Variants in MSRA observed in about 807,000 individuals in gnomAD.
The protein encoded by MSRA is mitochondrial peptide methionine sulfoxide reductase.
A neutral mutation model predicts 31.3 loss-of-function variants in MSRA; 54 were observed. That is an observed-to-expected ratio of 1.73 (90% CI 1.39 to 2.17). MSRA has a LOEUF of 2.17. Ranked by LOEUF, MSRA falls within the 30% of genes most tolerant of loss-of-function variation. The pLI is 0.00. For missense variants in MSRA, 507 were observed against 300.9 expected, an observed-to-expected ratio of 1.69 and a Z score of -5.07; for synonymous variants, 169 against 116.5, an observed-to-expected ratio of 1.45 and a Z score of -2.90.
chr8:10,070,610 C>G (rs1797684767), intron 1 of MSRA, among the ~76,000 whole-genome samples: 1 of 152,158 alleles, frequency 6.6e-6, no homozygotes, highest in Admixed American at 6.5e-5. Context: ...GTTCTGCCAC[C>G]AGAGATTCCT....
chr8:10,193,679 C>T (rs1450512631), intron 1 of MSRA, among the ~76,000 whole-genome samples: 2 of 152,158 alleles, frequency 1.3e-5, no homozygotes, highest in Admixed American at 6.5e-5. Context: ...CACCACCAAG[C>T]GCCTGTCTGT....
chr8:10,108,949 A>G (rs1057197176), intron 1 of MSRA, among the ~76,000 whole-genome samples: 2 of 152,208 alleles, frequency 1.3e-5, no homozygotes, highest in African/African-American at 4.8e-5. Flanking sequence ...GTCTATTTAT[A>G]ACTGGCCTCT....
At chr8:10,388,763 G>A (rs922314571) in intron 5 of MSRA, among the ~76,000 whole-genome samples, 12 of 151,896 alleles carry the variant, frequency 7.9e-5, no homozygotes, top group African/African-American at 2.9e-4. Flanking sequence ...AGATAATTCC[G>A]TGTTGGGGGA....
At chr8:10,393,394 A>G (rs1289912005) in intron 5 of MSRA, among the ~76,000 whole-genome samples, 1 of 152,106 alleles carries the variant, frequency 6.6e-6, no homozygotes, top group Non-Finnish European at 1.5e-5. Context: ...GCTGAGAGGG[A>G]TTTTTTTACT....
rs549346544 is a variant in MSRA, at chr8:10,305,409, C to CTTTTTTTTTTTTTT, written c.436+3779_436+3792dup. Among the ~76,000 whole-genome samples the CTTTTTTTTTTTTTT allele has an allele frequency of 1.2e-3, 152 of 122,934 alleles. 1 individual carries two copies. The highest frequency in any genetic ancestry group is 2.5e-3 in the African/African-American group (84 of 33,000). 80.6% of individuals were successfully genotyped at this position (122,934 alleles called of 152,430 possible). ...GATGAAGTCCCCATGTGTTTTCTTC[C>CTTTTTTTTTTTTTT]TTTTTTTTTTTTTTTTTTTTTCCGG... is the stretch of plus-strand genomic sequence containing the variant. On this transcript the variant is annotated intron_variant, in intron 4 of 5. Transcript: ENST00000317173.
chr8:10,075,868 A>G (rs1329710266), intron 1 of MSRA, among the ~76,000 whole-genome samples: 9 of 152,184 alleles, frequency 5.9e-5, no homozygotes, highest in African/African-American at 2.2e-4. Flanking sequence ...TAATACCAAG[A>G]TATGGAGACT....
At chr8:10,392,888 TGCAAAAAAAAA>T (rs1325682216) in intron 5 of MSRA, among the ~76,000 whole-genome samples, 256 of 8,406 alleles carry the variant, frequency 0.03, 3 homozygotes, top group Middle Eastern at 0.17. Flanking sequence ...CTACTAAAAA[TGCAAAAAAAAA>T]AAAAAAAAAA....
At chr8:10,385,812 T>TGGGGGG (rs112720423) in intron 5 of MSRA, among the ~76,000 whole-genome samples, 3 of 145,772 alleles carry the variant, frequency 2.1e-5, no homozygotes, top group South Asian at 2.2e-4. Flanking sequence ...TGGTGGGGGG[T>TGGGGGG]GGGGTGTCTT....
chr8:10,301,979 C>G (rs1329776291), intron 4 of MSRA, among the ~76,000 whole-genome samples: 1 of 152,176 alleles, frequency 6.6e-6, no homozygotes, highest in African/African-American at 2.4e-5. Flanking sequence ...GTCTTTCCAG[C>G]AGCTCCAAAG....
Position 10,219,805 on chromosome 8 carries a change from C to CAA in MSRA, c.211+11904_211+11905insAA, listed in dbSNP as rs202000887. 5.0e-4 allele frequency among the ~76,000 whole-genome samples: 23 copies of CAA among 46,068 alleles called. 1 individual carries two copies. The highest frequency in any genetic ancestry group is 1.3e-3 in the African/African-American group (8 of 5,996). 30.2% of individuals were successfully genotyped at this position (46,068 alleles called of 152,430 possible). ...TGGACGACAGATCGAGACTCTGTCT[C>CAA]CAAAAAAAAAAAAAAAAAAAAAAGA... On this transcript the variant is annotated intron_variant, in intron 2 of 5. Transcript: ENST00000317173.
intron 1 of MSRA, among the ~76,000 whole-genome samples, chr8:10,168,719 C>T (rs1805353246): frequency 6.6e-6 from 1 of 152,178 alleles, no homozygotes; most frequent in African/African-American, 2.4e-5. Context: ...AAGTGCCCAT[C>T]CCTTGCGGGG....
At chr8:10,299,167 T>C (rs1417643635) in intron 3 of MSRA, among the ~76,000 whole-genome samples, 1 of 152,138 alleles carries the variant, frequency 6.6e-6, no homozygotes, top group Admixed American at 6.5e-5. Flanking sequence ...TTTGCATGTC[T>C]CAATTTACAT....
intron 5 of MSRA, among the ~76,000 whole-genome samples, chr8:10,359,605 T>C (rs1256613415): frequency 6.6e-6 from 1 of 152,184 alleles, no homozygotes; most frequent in African/African-American, 2.4e-5. Flanking sequence ...TTCTTCAGCT[T>C]TGTATGAAAT....
At chr8:10,294,358 C>G (rs1800414160) in intron 3 of MSRA, among the ~76,000 whole-genome samples, 1 of 152,216 alleles carries the variant, frequency 6.6e-6, no homozygotes, top group Admixed American at 6.5e-5. Flanking sequence ...CTGAGTTATT[C>G]TGCCTGTGCT....
At chr8:10,235,385 C>A (rs780064955) in intron 2 of MSRA, among the ~76,000 whole-genome samples, 8 of 151,970 alleles carry the variant, frequency 5.3e-5, no homozygotes, top group Non-Finnish European at 1.0e-4. Context: ...CATATCTATA[C>A]GTGAGATGTA....
At chr8:10,382,860 C>G (rs1223919865) in intron 5 of MSRA, among the ~76,000 whole-genome samples, 1 of 152,174 alleles carries the variant, frequency 6.6e-6, no homozygotes, top group African/African-American at 2.4e-5. Context: ...CCTGACGGTT[C>G]CTGGTCCACC....
At chr8:10,202,240 C>A (rs1364373803) in intron 1 of MSRA, among the ~76,000 whole-genome samples, 1 of 152,202 alleles carries the variant, frequency 6.6e-6, no homozygotes, top group Admixed American at 6.5e-5. Flanking sequence ...AAATACTTGC[C>A]TTAGCAGAAT....
intron 1 of MSRA, among the ~76,000 whole-genome samples, chr8:10,126,817 A>G (rs1201346637): frequency 6.6e-6 from 1 of 152,154 alleles, no homozygotes; most frequent in Non-Finnish European, 1.5e-5. Context: ...TCCAGCCTAG[A>G]TTTTCATAAG....
At chr8:10,187,401 T>C (rs1338213975) in intron 1 of MSRA, among the ~76,000 whole-genome samples, 1 of 152,178 alleles carries the variant, frequency 6.6e-6, no homozygotes, top group Non-Finnish European at 1.5e-5. Context: ...TTTACACCGG[T>C]ACCCAAGCTA....
Sources: gnomAD v4.1 joint callset for allele counts (sites outside exome capture counted in the v4.1 genomes callset) on GRCh38, gnomAD v4.1.1 for gene constraint, MANE v1.5 for transcripts, NCBI Gene and HGNC (gene_info 2026-07-23, HGNC 2026-07-21) for gene names.